The following DCC variants were observed in gnomAD, a reference collection of about 807,000 sequenced individuals.
DCC encodes DCC netrin 1 receptor.
DCC carries 58 observed loss-of-function variants against 172.5 expected under a neutral mutation model. That is an observed-to-expected ratio of 0.34 (90% CI 0.27 to 0.42). The LOEUF is 0.42. DCC is among the 10% of genes least tolerant of loss of function. The pLI, the probability that DCC is intolerant of heterozygous loss-of-function variation, is 1.00. For synonymous variants in DCC, 709 were observed against 644.5 expected, an observed-to-expected ratio of 1.10 and a Z score of -1.52; for missense variants, 1,740 against 1,791.0, an observed-to-expected ratio of 0.97 and a Z score of 0.51.
chr18:53,477,211 G>A (rs889747087), intron 25 of DCC, among the ~76,000 whole-genome samples: 16 of 152,046 alleles, frequency 1.1e-4, no homozygotes, highest in South Asian at 8.3e-4. Context: ...GTTTCACCAC[G>A]TTGCCCAGGC....
At chr18:52,390,640 A>G (rs1328984514) in intron 1 of DCC, among the ~76,000 whole-genome samples, 2 of 152,008 alleles carry the variant, frequency 1.3e-5, no homozygotes, top group East Asian at 1.9e-4. Flanking sequence ...CTCTTGTCAC[A>G]TGGTGGAGTT....
At chr18:53,370,373 T>C (rs1213737529) in intron 15 of DCC, among the ~76,000 whole-genome samples, 1 of 151,770 alleles carries the variant, frequency 6.6e-6, no homozygotes, top group African/African-American at 2.4e-5. Flanking sequence ...TTTGCCAATT[T>C]GGTTTATCTT....
chr18:53,259,438 T>C (rs1356856314), intron 12 of DCC, among the ~76,000 whole-genome samples: 1 of 152,218 alleles, frequency 6.6e-6, no homozygotes, highest in Non-Finnish European at 1.5e-5. Context: ...TTTGCTTGTC[T>C]GTAAAGTATT....
intron 1 of DCC, among the ~76,000 whole-genome samples, chr18:52,741,814 C>T (rs186342070): frequency 4.6e-4 from 70 of 152,178 alleles, no homozygotes; most frequent in Non-Finnish European, 7.2e-4. Flanking sequence ...CCTCTGCCTG[C>T]GGTGTTCTTC....
intron 1 of DCC, among the ~76,000 whole-genome samples, chr18:52,511,053 AAG>A (rs920465335): frequency 1.3e-5 from 2 of 152,134 alleles, no homozygotes; most frequent in African/African-American, 4.8e-5. Flanking sequence ...GGTCTTTAAC[AAG>A]AGTCTAGAAG....
At chr18:52,881,013 C>G (rs913828850) in intron 2 of DCC, among the ~76,000 whole-genome samples, 1 of 152,126 alleles carries the variant, frequency 6.6e-6, no homozygotes, top group Non-Finnish European at 1.5e-5. Context: ...CACATCCTCT[C>G]CAGCATTTTT....
At chr18:52,378,307 A>G (rs1186409576) in intron 1 of DCC, among the ~76,000 whole-genome samples, 1 of 145,122 alleles carries the variant, frequency 6.9e-6, no homozygotes, top group Non-Finnish European at 1.5e-5. Flanking sequence ...GATGATCTCT[A>G]AAGAAAAAAA....
At chr18:53,060,847 GT>G (rs749252866) in intron 5 of DCC, among the ~76,000 whole-genome samples, 1 of 151,934 alleles carries the variant, frequency 6.6e-6, no homozygotes. Flanking sequence ...TCAATCATTT[GT>G]TTTTTGAGAA....
At chr18:52,469,926 G>C (rs1988898118) in intron 1 of DCC, among the ~76,000 whole-genome samples, 1 of 152,138 alleles carries the variant, frequency 6.6e-6, no homozygotes, top group Non-Finnish European at 1.5e-5. Context: ...GCCTGGAAGT[G>C]GCATACATCA....
intron 12 of DCC, among the ~76,000 whole-genome samples, chr18:53,292,810 A>C (rs2144753312): frequency 6.6e-6 from 1 of 152,354 alleles, no homozygotes; most frequent in African/African-American, 2.4e-5. Context: ...AATCAGATTA[A>C]GTATTTATGA....
chr18:53,221,147 C>T (rs1162488906), intron 12 of DCC, among the ~76,000 whole-genome samples: 1 of 151,864 alleles, frequency 6.6e-6, no homozygotes, highest in Non-Finnish European at 1.5e-5. Context: ...ATAAAATTTA[C>T]CATTTTTTAA....
At chr18:53,211,710 C>A (rs574550127) in intron 11 of DCC, among the ~76,000 whole-genome samples, 6 of 151,258 alleles carry the variant, frequency 4.0e-5, no homozygotes, top group African/African-American at 4.9e-5. Flanking sequence ...GGTGACAGAG[C>A]GAGACTCTGT....
intron 2 of DCC, among the ~76,000 whole-genome samples, chr18:52,863,480 CTT>C (rs1260569185): frequency 6.6e-6 from 1 of 151,688 alleles, no homozygotes; most frequent in African/African-American, 2.4e-5. Context: ...ACCTACATAA[CTT>C]TTGTTTTTAA....
At chr18:53,507,428 T>G (rs2046194334) in intron 27 of DCC, among the ~76,000 whole-genome samples, 1 of 152,236 alleles carries the variant, frequency 6.6e-6, no homozygotes, top group Non-Finnish European at 1.5e-5. Context: ...CAGTCTTCGA[T>G]TTGAATGTTT....
chr18:52,796,812 C>T (rs1256617076), intron 2 of DCC, among the ~76,000 whole-genome samples: 1 of 152,062 alleles, frequency 6.6e-6, no homozygotes, highest in Non-Finnish European at 1.5e-5. Flanking sequence ...TGAATTGAAC[C>T]TATTTGGGGA....
chr18:53,078,014 T>C (rs2042745658), intron 7 of DCC, among the ~76,000 whole-genome samples: 1 of 152,188 alleles, frequency 6.6e-6, no homozygotes, highest in Non-Finnish European at 1.5e-5. Context: ...CAGAAATCCA[T>C]AGTTTAACAA....
chr18:53,452,847 GAA>G (rs1568141449), intron 23 of DCC, among the ~76,000 whole-genome samples: 1 of 152,040 alleles, frequency 6.6e-6, no homozygotes, highest in Non-Finnish European at 1.5e-5. Context: ...TAGAGAAAAA[GAA>G]AATGTTTCCT....
chr18:52,622,750 C>T (rs1327987589), intron 1 of DCC, among the ~76,000 whole-genome samples: 1 of 152,208 alleles, frequency 6.6e-6, no homozygotes, highest in African/African-American at 2.4e-5. Flanking sequence ...TGGCTGGCAC[C>T]AGCCTGGTGG....
intron 15 of DCC, among the ~76,000 whole-genome samples, chr18:53,354,193 T>C (rs1228847156): frequency 1.3e-5 from 2 of 152,214 alleles, no homozygotes; most frequent in South Asian, 4.1e-4. Flanking sequence ...TCCAAGTCTT[T>C]GCTATTGTGA....
Sources: gnomAD v4.1 joint callset for allele counts (sites outside exome capture counted in the v4.1 genomes callset) on GRCh38, gnomAD v4.1.1 for gene constraint, MANE v1.5 for transcripts, NCBI Gene and HGNC (gene_info 2026-07-23, HGNC 2026-07-21) for gene names.